Variants in FYB2 observed in about 807,000 individuals in gnomAD.
FYB2 encodes FYN-binding protein 2.
In FYB2, 103 loss-of-function variants were observed where a neutral mutation model predicts 94.1. That is an observed-to-expected ratio of 1.09 (90% CI 0.93 to 1.29). The LOEUF (loss-of-function observed/expected upper bound fraction) is 1.29. FYB2 is among the 50% of genes most tolerant of loss of function. FYB2 has a pLI of 0.00. For missense variants in FYB2, 896 were observed against 841.5 expected, an observed-to-expected ratio of 1.06 and a Z score of -0.80; for synonymous variants, 293 against 287.9, an observed-to-expected ratio of 1.02 and a Z score of -0.18.
At chr1:56,756,175 A>C (rs2100727167) in intron 6 of FYB2, among the ~76,000 whole-genome samples, 1 of 152,266 alleles carries the variant, frequency 6.6e-6, no homozygotes, top group Admixed American at 6.5e-5. Context: ...TGTGACTCAG[A>C]AAAATTGTTG....
intron 4 of FYB2, among the ~76,000 whole-genome samples, chr1:56,785,295 A>G (rs1646108067): frequency 6.6e-6 from 1 of 152,192 alleles, no homozygotes; most frequent in Admixed American, 6.5e-5. Flanking sequence ...CTTACACTCA[A>G]TCCTACTGAG....
chr1:56,782,572 A>G (rs1646033114), intron 4 of FYB2, among the ~76,000 whole-genome samples: 1 of 152,032 alleles, frequency 6.6e-6, no homozygotes, highest in African/African-American at 2.4e-5. Context: ...CACAAATACA[A>G]ATATGTGTTT....
At chr1:56,752,624 T>C (rs567242813) in intron 8 of FYB2, among the ~76,000 whole-genome samples, 1 of 152,134 alleles carries the variant, frequency 6.6e-6, no homozygotes, top group South Asian at 2.1e-4. Flanking sequence ...AAGTCAGTAT[T>C]TTGCAGAAAT....
At chr1:56,741,385 G>A (rs145680188) in intron 12 of FYB2, among the ~76,000 whole-genome samples, 10 of 152,134 alleles carry the variant, frequency 6.6e-5, no homozygotes, top group Admixed American at 2.6e-4. Flanking sequence ...CTAGAAATAC[G>A]TTATAGAAAA....
intron 2 of FYB2, among the ~76,000 whole-genome samples, chr1:56,791,309 G>A (rs1433621152): frequency 4.0e-5 from 6 of 150,814 alleles, no homozygotes; most frequent in Admixed American, 1.3e-4. Context: ...AGGCTGGAGT[G>A]AAGTGGTACA....
chr1:56,810,426 T>C (rs548342408), intron 1 of FYB2, among the ~76,000 whole-genome samples: 1 of 152,188 alleles, frequency 6.6e-6, no homozygotes, highest in South Asian at 2.1e-4. Flanking sequence ...CAGCTAACAA[T>C]GCTAGTACAG....
intron 1 of FYB2, among the ~76,000 whole-genome samples, chr1:56,809,564 G>A (rs1033652382): frequency 6.6e-6 from 1 of 152,136 alleles, no homozygotes; most frequent in Non-Finnish European, 1.5e-5. Flanking sequence ...TTTATTGTCT[G>A]AAAAATATTT....
chr1:56,722,245 G>A (rs1303246499), intron 17 of FYB2, among the ~76,000 whole-genome samples: 1 of 152,080 alleles, frequency 6.6e-6, no homozygotes, highest in Non-Finnish European at 1.5e-5. Flanking sequence ...TATCAGTGAT[G>A]ATGAGAGATT....
chr1:56,773,169 T>C (rs1269286222), intron 4 of FYB2, among the ~76,000 whole-genome samples: 1 of 152,154 alleles, frequency 6.6e-6, no homozygotes, highest in Non-Finnish European at 1.5e-5. Flanking sequence ...TTTAAACAAA[T>C]GGGATCTCTC....
chr1:56,811,757 A>G (rs1280586190), intron 1 of FYB2, among the ~76,000 whole-genome samples: 1 of 123,736 alleles, frequency 8.1e-6, no homozygotes, highest in Non-Finnish European at 1.6e-5. Context: ...GTAATGGACC[A>G]AACAAACAAA....
At chr1:56,752,498 G>A (rs1045613054) in intron 8 of FYB2, among the ~76,000 whole-genome samples, 1 of 152,042 alleles carries the variant, frequency 6.6e-6, no homozygotes, top group South Asian at 2.1e-4. Flanking sequence ...GGATTATCCT[G>A]AGTTTTGGGT....
chr1:56,727,497 A>G (rs529758135), intron 15 of FYB2, among the ~76,000 whole-genome samples: 56 of 152,238 alleles, frequency 3.7e-4, no homozygotes, highest in African/African-American at 1.3e-3. Flanking sequence ...ACAATGGAAT[A>G]CTATAGAACA....
intron 15 of FYB2, among the ~76,000 whole-genome samples, chr1:56,729,790 A>C (rs1644664411): frequency 6.6e-6 from 1 of 152,134 alleles, no homozygotes. Flanking sequence ...GACACAAAAC[A>C]AGTATCAACA....
chr1:56,738,714 C>A, intron 13 of FYB2, 61 bp from the exon 14 acceptor site: 1 of 1,529,840 alleles, frequency 6.5e-7, no homozygotes, highest in Non-Finnish European at 9.0e-7. Flanking sequence ...GAAAGATGAG[C>A]TGACAGATCT....
intron 15 of FYB2, 66 bp downstream of exon 15, chr1:56,737,021 A>T (rs930749514): frequency 5.8e-6 from 7 of 1,215,092 alleles, no homozygotes; most frequent in Non-Finnish European, 8.5e-6. Context: ...CTGTGATCAT[A>T]ATTAAGAAAG....
intron 15 of FYB2, among the ~76,000 whole-genome samples, chr1:56,736,808 A>G (rs1644840001): frequency 6.6e-6 from 1 of 152,108 alleles, no homozygotes; most frequent in African/African-American, 2.4e-5. Flanking sequence ...TGTACATTGG[A>G]GATAATTTAA....
intron 2 of FYB2, among the ~76,000 whole-genome samples, chr1:56,791,672 C>A (rs1250303633): frequency 6.6e-6 from 1 of 152,082 alleles, no homozygotes; most frequent in Non-Finnish European, 1.5e-5. Flanking sequence ...GAGCATGGCT[C>A]GTAAGTTTTG....
At chr1:56,781,599 G>A (rs1646010665) in intron 4 of FYB2, among the ~76,000 whole-genome samples, 1 of 152,182 alleles carries the variant, frequency 6.6e-6, no homozygotes, top group South Asian at 2.1e-4. Context: ...AGTGGTTGCT[G>A]TAATGGCTTT....
intron 7 of FYB2, among the ~76,000 whole-genome samples, chr1:56,754,168 T>C (rs1645269757): frequency 6.6e-6 from 1 of 152,034 alleles, no homozygotes; most frequent in Non-Finnish European, 1.5e-5. Flanking sequence ...TCTAACTCCC[T>C]ATTGCCTATA....
Sources: allele counts gnomAD v4.1 joint callset (sites outside exome capture counted in the v4.1 genomes callset), GRCh38; gene constraint gnomAD v4.1.1; transcripts MANE v1.5; gene names NCBI Gene and HGNC (gene_info 2026-07-23, HGNC 2026-07-21).